COL19A1: variants seen among roughly 807,000 people sequenced by gnomAD.
COL19A1 encodes collagen type XIX alpha 1 chain, also known as collagen alpha-1(XIX) chain.
COL19A1 carries 159 observed loss-of-function variants against 190.2 expected under a neutral mutation model. The observed-to-expected ratio is 0.84, with a 90% CI of 0.73 to 0.95. The LOEUF is 0.95. Ranked by LOEUF, COL19A1 falls within the 40% of genes least tolerant of loss-of-function variation. COL19A1 has a pLI of 0.00. For missense variants in COL19A1, 1,418 were observed against 1,431.9 expected (o/e 0.99, Z 0.16); for synonymous variants, 509 against 458.9 (o/e 1.11, Z -1.39).
At chr6:70,196,172 T>A (rs191725565) in intron 48 of COL19A1, among the ~76,000 whole-genome samples, 18 of 152,338 alleles carry the variant, frequency 1.2e-4, no homozygotes, top group Non-Finnish European at 2.1e-4. Flanking sequence ...TATTAAAATA[T>A]CACAGGAAAT....
chr6:70,192,750 C>T (rs190904922), intron 48 of COL19A1, among the ~76,000 whole-genome samples: 4 of 152,272 alleles, frequency 2.6e-5, no homozygotes, highest in East Asian at 3.9e-4. Flanking sequence ...ATAGTAAAGC[C>T]GTAAACTAAA....
chr6:69,937,604 C>T (rs746439123), intron 8 of COL19A1, among the ~76,000 whole-genome samples: 8 of 152,086 alleles, frequency 5.3e-5, no homozygotes, highest in Non-Finnish European at 1.0e-4. Flanking sequence ...CAGAGTGTGC[C>T]CTAGCACTGT....
chr6:69,926,596 C>T (rs558758880), intron 4 of COL19A1, among the ~76,000 whole-genome samples: 21 of 151,710 alleles, frequency 1.4e-4, no homozygotes, highest in Non-Finnish European at 1.9e-4. Flanking sequence ...GTCTGCAGAT[C>T]GGGGGAAAAA....
At chr6:69,994,129 A>G (rs73484248) in intron 11 of COL19A1, among the ~76,000 whole-genome samples, 3,338 of 152,122 alleles carry the variant, frequency 0.022, 100 homozygotes, top group African/African-American at 0.067. Flanking sequence ...TAAATAACAT[A>G]TATGGATAGT....
At chr6:70,137,917 G>A (rs996566653) in intron 19 of COL19A1, among the ~76,000 whole-genome samples, 170 bp downstream of exon 19, 1 of 152,152 alleles carries the variant, frequency 6.6e-6, no homozygotes, top group Non-Finnish European at 1.5e-5. Flanking sequence ...TCTCTTACAT[G>A]TATTTACACA....
chr6:69,889,226 G>T (rs1186267551), intron 2 of COL19A1, among the ~76,000 whole-genome samples: 1 of 152,152 alleles, frequency 6.6e-6, no homozygotes, highest in Admixed American at 6.5e-5. Context: ...AATAGAACTT[G>T]TATCAGACTA....
chr6:69,967,703 A>G (rs9454928), intron 11 of COL19A1, among the ~76,000 whole-genome samples: 2,829 of 152,306 alleles, frequency 0.019, 107 homozygotes, highest in African/African-American at 0.064. Flanking sequence ...CTAAAATGCC[A>G]TATGAGATAT....
At chr6:70,156,019 A>C (rs958600106) in intron 31 of COL19A1, 108 bp from the exon 32 acceptor site, 11 of 808,940 alleles carry the variant, frequency 1.4e-5, no homozygotes, top group Non-Finnish European at 2.0e-5. Context: ...TGACCTATCT[A>C]TATCACTCAT....
chr6:69,920,669 G>T (rs1186356222), intron 4 of COL19A1, among the ~76,000 whole-genome samples: 1 of 151,728 alleles, frequency 6.6e-6, no homozygotes, highest in African/African-American at 2.4e-5. Context: ...TGATATACTT[G>T]TGCCCTCATA....
At chr6:69,926,430 T>G (rs1772401368) in intron 4 of COL19A1, among the ~76,000 whole-genome samples, 1 of 152,014 alleles carries the variant, frequency 6.6e-6, no homozygotes, top group South Asian at 2.1e-4. Context: ...TCTTACCAAA[T>G]AGAGAATATC....
chr6:70,163,319 C>T, intron 35 of COL19A1, 24 bp from the exon 36 acceptor site: 1 of 1,607,926 alleles, frequency 6.2e-7, no homozygotes, highest in South Asian at 1.1e-5. Flanking sequence ...GTTTCTGTAA[C>T]AAACTTAGTT....
rs547540907 is a variant in COL19A1 at position 70,143,465 on chromosome 6, C to T, written c.1626+645C>T. ...ACACTTGAGCAAAATAAGAAAAATC[C>T]TTGGCCATAACTCCTTGGAGACTGA... On this transcript the variant is annotated intron_variant, in intron 23 of 50. Transcript: ENST00000620364. Among the ~76,000 whole-genome samples, 99 of 152,202 alleles carry T rather than the reference C, an allele frequency of 6.5e-4. 1 individual carries two copies. Among genetic ancestry groups the T allele is most frequent in the African/African-American group, 2.0e-3 (82 of 41,536 alleles).
At chr6:70,113,378 A>G (rs1007700546) in intron 16 of COL19A1, among the ~76,000 whole-genome samples, 4 of 152,136 alleles carry the variant, frequency 2.6e-5, no homozygotes, top group Non-Finnish European at 4.4e-5. Context: ...ACAGAATACA[A>G]TGGCACTATT....
At chr6:70,170,667 A>T (rs1014934921) in intron 40 of COL19A1, among the ~76,000 whole-genome samples, 13 of 152,104 alleles carry the variant, frequency 8.5e-5, no homozygotes. Flanking sequence ...AGGGCCTCTT[A>T]TACAGAACTT....
chr6:69,956,431 C>T (rs1177371789), intron 9 of COL19A1, among the ~76,000 whole-genome samples: 1 of 151,252 alleles, frequency 6.6e-6, no homozygotes, highest in Non-Finnish European at 1.5e-5. Flanking sequence ...AATGAAGTCC[C>T]AAAATATAGA....
intron 2 of COL19A1, among the ~76,000 whole-genome samples, chr6:69,880,566 G>A (rs1020823472): frequency 6.6e-5 from 10 of 152,078 alleles, no homozygotes; most frequent in Non-Finnish European, 1.5e-5. Flanking sequence ...TGAGTTTGAG[G>A]CACACATAAA....
intron 15 of COL19A1, chr6:70,098,337 G>A (rs1013577402): frequency 1.1e-5 from 5 of 458,594 alleles, no homozygotes; most frequent in Admixed American, 1.1e-4. Flanking sequence ...TCTACAGTTA[G>A]CTCCTTTTTT....
intron 14 of COL19A1, chr6:70,059,824 T>A (rs1313014485): frequency 3.9e-6 from 2 of 513,178 alleles, no homozygotes; most frequent in African/African-American, 3.9e-5. Context: ...TGTGCAAAAT[T>A]TTAGAAATAA....
At chr6:70,201,048 T>C (rs188971005) in intron 49 of COL19A1, among the ~76,000 whole-genome samples, 1 of 152,304 alleles carries the variant, frequency 6.6e-6, no homozygotes, top group African/African-American at 2.4e-5. Context: ...CTTTCGCTGG[T>C]TGGGTCTATT....
Sources: gnomAD v4.1 joint callset for allele counts (sites outside exome capture counted in the v4.1 genomes callset) on GRCh38, gnomAD v4.1.1 for gene constraint, MANE v1.5 for transcripts, NCBI Gene and HGNC (gene_info 2026-07-23, HGNC 2026-07-21) for gene names.